CMSS1: variants seen among roughly 807,000 people sequenced by gnomAD.
CMSS1 encodes protein CMSS1.
A neutral mutation model predicts 43.5 loss-of-function variants in CMSS1; 33 were observed. That is an observed-to-expected ratio of 0.76 (90% CI 0.57 to 1.01). CMSS1 has a LOEUF of 1.01. Among genes scored for constraint, CMSS1 ranks in the 50% least tolerant of loss-of-function variants. The pLI, the probability that CMSS1 is intolerant of heterozygous loss-of-function variation, is 0.00. For missense variants in CMSS1, 313 were observed against 326.4 expected, an observed-to-expected ratio of 0.96 and a Z score of 0.32; for synonymous variants, 115 against 117.2, an observed-to-expected ratio of 0.98 and a Z score of 0.12.
chr3:99,986,870 A>G (rs1559715185), intron 1 of CMSS1, among the ~76,000 whole-genome samples: 1 of 152,200 alleles, frequency 6.6e-6, no homozygotes, highest in Non-Finnish European at 1.5e-5. Context: ...CAAAATGTCT[A>G]TAGTGCCAAG....
intron 1 of CMSS1, among the ~76,000 whole-genome samples, chr3:100,012,194 T>C (rs1710176340): frequency 6.6e-6 from 1 of 152,178 alleles, no homozygotes; most frequent in Non-Finnish European, 1.5e-5. Context: ...TCTTTTATAT[T>C]CCAAAAGGAT....
At chr3:100,147,216 T>C (rs1387088587) in intron 2 of CMSS1, among the ~76,000 whole-genome samples, 155 bp downstream of exon 2, 2 of 152,098 alleles carry the variant, frequency 1.3e-5, no homozygotes, top group Admixed American at 1.3e-4. Flanking sequence ...TGGGCCATGC[T>C]TCCTTCATTG....
chr3:99,866,238 C>T (rs1347459945), intron 1 of CMSS1, among the ~76,000 whole-genome samples: 1 of 151,966 alleles, frequency 6.6e-6, no homozygotes. Context: ...CAGTTCACCA[C>T]ATTTAATAAA....
chr3:100,015,007 A>G (rs959236733), intron 1 of CMSS1, among the ~76,000 whole-genome samples: 2 of 135,320 alleles, frequency 1.5e-5, no homozygotes, highest in African/African-American at 5.6e-5. Flanking sequence ...TTTTTCATCT[A>G]GTAGTTTTAT....
intron 1 of CMSS1, among the ~76,000 whole-genome samples, chr3:99,908,763 G>T (rs1706700376): frequency 6.6e-6 from 1 of 152,118 alleles, no homozygotes; most frequent in African/African-American, 2.4e-5. Context: ...TTAATTAAAT[G>T]TAATTGTTAT....
At chr3:99,883,847 G>A (rs1049196765) in intron 1 of CMSS1, among the ~76,000 whole-genome samples, 2 of 152,210 alleles carry the variant, frequency 1.3e-5, no homozygotes. Context: ...GAGGAACAGA[G>A]AGGTTAGGTA....
chr3:99,852,495 G>T (rs1453891063), intron 1 of CMSS1, among the ~76,000 whole-genome samples: 1 of 151,968 alleles, frequency 6.6e-6, no homozygotes, highest in Non-Finnish European at 1.5e-5. Flanking sequence ...CGCCAGGCTG[G>T]AGTGCAGTGG....
In CMSS1 at chr3:100,156,347, C is replaced by T. The variant is rs964012865; in HGVS notation, c.154-4083C>T. 1.6e-4 allele frequency among the ~76,000 whole-genome samples: 19 copies of T among 115,970 alleles called. 1 individual carries two copies. The highest frequency in any genetic ancestry group is 2.1e-4 in the Non-Finnish European group (13 of 61,656). 76.1% of individuals were successfully genotyped at this position (115,970 alleles called of 152,430 possible). A position where few individuals can be genotyped will look rare whatever the true frequency, so the allele number is the denominator to read the frequency against. On this transcript the variant is annotated intron_variant, in intron 2 of 9. Coordinates refer to ENST00000421999, the MANE Select transcript of CMSS1 (RefSeq NM_032359.4). ...TTTTTGAGGCAGAGTTCGGCTCTGT[C>T]ACCCAGGCTGGAGTTCAGTGACGCA...
intron 1 of CMSS1, chr3:99,849,580 T>C: frequency 6.2e-7 from 1 of 1,613,538 alleles, no homozygotes; most frequent in East Asian, 2.2e-5. Context: ...GAAAAGCCAT[T>C]GTTCATGGCT....
At chr3:100,061,523 A>G (rs1485353074) in intron 1 of CMSS1, among the ~76,000 whole-genome samples, 1 of 152,226 alleles carries the variant, frequency 6.6e-6, no homozygotes, top group Non-Finnish European at 1.5e-5. Flanking sequence ...CCTCCTGCAG[A>G]GAATGAAAAG....
intron 2 of CMSS1, among the ~76,000 whole-genome samples, chr3:100,159,219 G>T (rs1429782200): frequency 6.6e-6 from 1 of 152,194 alleles, no homozygotes; most frequent in Non-Finnish European, 1.5e-5. Context: ...ATTGCTCTTT[G>T]CAGGTTTTTT....
chr3:99,953,110 A>G (rs1306953617), intron 1 of CMSS1, among the ~76,000 whole-genome samples: 2 of 152,194 alleles, frequency 1.3e-5, no homozygotes, highest in Admixed American at 1.3e-4. Flanking sequence ...ACTTAGCTGC[A>G]TACTTAAAGG....
intron 1 of CMSS1, among the ~76,000 whole-genome samples, chr3:100,099,971 C>A (rs2066277158): frequency 6.6e-6 from 1 of 152,120 alleles, no homozygotes; most frequent in Admixed American, 6.6e-5. Flanking sequence ...AGACTAACCA[C>A]AACTGGGAGG....
intron 1 of CMSS1, among the ~76,000 whole-genome samples, chr3:99,958,870 G>T (rs180935482): frequency 6.6e-6 from 1 of 152,114 alleles, no homozygotes; most frequent in African/African-American, 2.4e-5. Context: ...AAGAATTTTG[G>T]CTTTACACTT....
At chr3:99,854,070 T>C (rs1943838713) in intron 1 of CMSS1, among the ~76,000 whole-genome samples, 1 of 152,154 alleles carries the variant, frequency 6.6e-6, no homozygotes. Context: ...CTTCTGATAG[T>C]GATGAATGGT....
At chr3:100,029,925 GTT>G (rs1559731786) in intron 1 of CMSS1, among the ~76,000 whole-genome samples, 1 of 152,148 alleles carries the variant, frequency 6.6e-6, no homozygotes, top group Non-Finnish European at 1.5e-5. Flanking sequence ...ATCTTGGAAC[GTT>G]TAGAAGCAGC....
intron 1 of CMSS1, among the ~76,000 whole-genome samples, chr3:100,078,456 C>T (rs1385978271): frequency 1.3e-5 from 2 of 152,108 alleles, no homozygotes; most frequent in Non-Finnish European, 2.9e-5. Context: ...AAAATGTAGT[C>T]GTTTAAAACA....
At chr3:99,965,421 T>C (rs1420078120) in intron 1 of CMSS1, among the ~76,000 whole-genome samples, 1 of 152,344 alleles carries the variant, frequency 6.6e-6, no homozygotes, top group East Asian at 1.9e-4. Context: ...ACTCTGTGGA[T>C]GTACCAGCAT....
At chr3:99,927,558 G>A (rs192045351) in intron 1 of CMSS1, among the ~76,000 whole-genome samples, 271 of 151,818 alleles carry the variant, frequency 1.8e-3, no homozygotes, top group African/African-American at 6.2e-3. Flanking sequence ...TAGTAGAAAC[G>A]GGCTTTCTTC....
Sources: allele counts gnomAD v4.1 joint callset (sites outside exome capture counted in the v4.1 genomes callset), GRCh38; gene constraint gnomAD v4.1.1; transcripts MANE v1.5; gene names NCBI Gene and HGNC (gene_info 2026-07-23, HGNC 2026-07-21).